Variants in LRP1B observed in about 807,000 individuals in gnomAD.
The protein encoded by LRP1B is low-density lipoprotein receptor-related protein 1B.
A neutral mutation model predicts 556.6 loss-of-function variants in LRP1B; 217 were observed. The ratio of observed to expected loss-of-function variants is 0.39; its 90% CI spans 0.35 to 0.44. LRP1B has a LOEUF of 0.44. LRP1B is among the 20% of genes least tolerant of loss of function. The pLI is 1.00. For synonymous variants in LRP1B, 2,047 were observed against 1,865.8 expected (o/e 1.10, Z -2.50); for missense variants, 5,053 against 5,620.8 (o/e 0.90, Z 3.23).
chr2:140,288,256 C>G (rs1007747892), intron 84 of LRP1B, among the ~76,000 whole-genome samples: 1 of 151,234 alleles, frequency 6.6e-6, no homozygotes, highest in Non-Finnish European at 1.5e-5. Flanking sequence ...AGCAGTATAG[C>G]TACAAAAGAG....
At chr2:141,104,198 G>T (rs912414760) in intron 7 of LRP1B, among the ~76,000 whole-genome samples, 15 of 151,906 alleles carry the variant, frequency 9.9e-5, no homozygotes, top group African/African-American at 3.6e-4. Context: ...GTGGTATTTG[G>T]TTTCCTATTC....
intron 1 of LRP1B, among the ~76,000 whole-genome samples, chr2:141,907,036 T>C (rs1699777603): frequency 6.6e-6 from 1 of 151,950 alleles, no homozygotes; most frequent in Admixed American, 6.6e-5. Context: ...TGTGTGCAGT[T>C]CAACAGGGGT....
At chr2:141,538,579 G>C (rs1685140616) in intron 2 of LRP1B, among the ~76,000 whole-genome samples, 2 of 151,674 alleles carry the variant, frequency 1.3e-5, no homozygotes, top group African/African-American at 2.4e-5. Flanking sequence ...TACTCACAAA[G>C]AGTGTATTTC....
intron 2 of LRP1B, among the ~76,000 whole-genome samples, chr2:141,581,441 G>C (rs1382809676): frequency 6.6e-6 from 1 of 152,088 alleles, no homozygotes; most frequent in African/African-American, 2.4e-5. Context: ...TATCTAGGTA[G>C]GTGGGAGGAT....
chr2:140,258,114 G>T (rs17385695), intron 86 of LRP1B, among the ~76,000 whole-genome samples: 1 of 152,050 alleles, frequency 6.6e-6, no homozygotes, highest in Non-Finnish European at 1.5e-5. Flanking sequence ...TGCAACAAAG[G>T]CTTCTCCAAT....
intron 1 of LRP1B, among the ~76,000 whole-genome samples, chr2:141,934,592 C>T (rs1282969254): frequency 1.3e-5 from 2 of 152,112 alleles, no homozygotes; most frequent in Non-Finnish European, 2.9e-5. Context: ...TCATCTAGAA[C>T]TCTGGCTCCC....
chr2:141,600,273 C>T (rs1687677652), intron 2 of LRP1B, among the ~76,000 whole-genome samples: 1 of 152,186 alleles, frequency 6.6e-6, no homozygotes, highest in African/African-American at 2.4e-5. Context: ...CCAAGTCCCT[C>T]TCCAGACCAA....
chr2:140,972,722 A>AGTTT (rs1303063017), intron 18 of LRP1B, among the ~76,000 whole-genome samples: 31 of 151,822 alleles, frequency 2.0e-4, no homozygotes, highest in Admixed American at 1.8e-3. Flanking sequence ...TTAAAACAAT[A>AGTTT]GTTTGTCAGT....
chr2:141,603,106 A>C (rs750766049), intron 2 of LRP1B, among the ~76,000 whole-genome samples: 3 of 152,200 alleles, frequency 2.0e-5, no homozygotes, highest in Non-Finnish European at 4.4e-5. Context: ...CCTGAATTAA[A>C]TTTAAGCATA....
intron 7 of LRP1B, among the ~76,000 whole-genome samples, chr2:141,175,642 C>A (rs3941808): frequency 0.055 from 8,408 of 152,224 alleles, 309 homozygotes; most frequent in South Asian, 0.11. Flanking sequence ...TCATGGAGAA[C>A]CTCTACTAGG....
chr2:141,528,527 A>G (rs1684767236), intron 2 of LRP1B, among the ~76,000 whole-genome samples: 2 of 152,176 alleles, frequency 1.3e-5, no homozygotes, highest in Non-Finnish European at 2.9e-5. Context: ...AGGTTTTTAC[A>G]TAAACCCACC....
intron 1 of LRP1B, among the ~76,000 whole-genome samples, chr2:141,996,560 A>C (rs950810100): frequency 2.0e-5 from 3 of 152,236 alleles, no homozygotes. Flanking sequence ...CAGTTACATT[A>C]TTCCCATCTG....
intron 27 of LRP1B, among the ~76,000 whole-genome samples, chr2:140,857,357 T>C (rs1438418719): frequency 1.3e-5 from 2 of 152,164 alleles, no homozygotes; most frequent in Non-Finnish European, 2.9e-5. Context: ...ATTACTCTTG[T>C]AATAAAATAA....
chr2:140,839,930 T>C (rs1352239738), intron 31 of LRP1B, 61 bp downstream of exon 31: 2 of 975,392 alleles, frequency 2.1e-6, no homozygotes, highest in African/African-American at 1.6e-5. Flanking sequence ...ATCAAAGGTA[T>C]ATTGTACAAG....
intron 1 of LRP1B, among the ~76,000 whole-genome samples, chr2:141,838,357 T>C (rs1362287444): frequency 1.3e-5 from 2 of 152,154 alleles, no homozygotes; most frequent in South Asian, 2.1e-4. Context: ...ATGGAAGTCA[T>C]GATTGATGTC....
chr2:141,717,786 T>C (rs1044357383), intron 2 of LRP1B, among the ~76,000 whole-genome samples: 3 of 152,188 alleles, frequency 2.0e-5, no homozygotes, highest in South Asian at 2.1e-4. Flanking sequence ...ACTTTAAATT[T>C]TGGAATAAGT....
At chr2:141,417,842 G>A (rs1220196897) in intron 3 of LRP1B, among the ~76,000 whole-genome samples, 2 of 150,082 alleles carry the variant, frequency 1.3e-5, no homozygotes, top group Admixed American at 1.3e-4. Context: ...CAGCACACAA[G>A]GCTCTCAATT....
intron 41 of LRP1B, among the ~76,000 whole-genome samples, chr2:140,612,019 A>G (rs887380863): frequency 2.0e-5 from 3 of 152,140 alleles, no homozygotes; most frequent in African/African-American, 7.2e-5. Context: ...TTGATGTTTA[A>G]GACAAAATAA....
chr2:142,031,417 T>C (rs1703704143), intron 1 of LRP1B, among the ~76,000 whole-genome samples: 1 of 133,206 alleles, frequency 7.5e-6, no homozygotes, highest in South Asian at 3.1e-4. Flanking sequence ...ACATGTGCCA[T>C]GCTGGTGCGC....
Sources: gnomAD v4.1 joint callset for allele counts (sites outside exome capture counted in the v4.1 genomes callset) on GRCh38, gnomAD v4.1.1 for gene constraint, MANE v1.5 for transcripts, NCBI Gene and HGNC (gene_info 2026-07-23, HGNC 2026-07-21) for gene names.